CORO7: variants seen among roughly 807,000 people sequenced by gnomAD.
The protein encoded by CORO7 is coronin-7.
Under a neutral mutation model 126.6 loss-of-function variants are expected in CORO7, and 107 were observed. The ratio of observed to expected loss-of-function variants is 0.85; its 90% confidence interval spans 0.72 to 0.99. The LOEUF is 0.99. Among genes scored for constraint, CORO7 ranks in the 50% least tolerant of loss-of-function variants. The pLI is 0.00. For missense variants in CORO7, 1,314 were observed against 1,255.8 expected, an observed-to-expected ratio of 1.05 and a Z score of -0.70; for synonymous variants, 603 against 536.8, an observed-to-expected ratio of 1.12 and a Z score of -1.70.
At chr16:4,381,024 C>T (rs1436122254) in intron 9 of CORO7, 10 of 1,609,944 alleles carry the variant, frequency 6.2e-6, no homozygotes, top group South Asian at 1.1e-5. Context: ...TGCCCCGAGA[C>T]GTGCCACCCG....
chr16:4,397,886 A>G (rs989260218), intron 6 of CORO7, among the ~76,000 whole-genome samples: 1 of 152,134 alleles, frequency 6.6e-6, no homozygotes, highest in Non-Finnish European at 1.5e-5. Flanking sequence ...AAGTGCTGGG[A>G]TTACAGGTGT....
intron 9 of CORO7, among the ~76,000 whole-genome samples, chr16:4,375,170 C>T (rs2054675405): frequency 3.3e-5 from 5 of 152,214 alleles, no homozygotes; most frequent in Admixed American, 3.3e-4. Context: ...GCCTTAGTCA[C>T]TGGTCTCCCT....
At chr16:4,381,720 CGACCTCTCGGG>C in intron 9 of CORO7, 1 of 1,606,474 alleles carries the variant, frequency 6.2e-7, no homozygotes. Context: ...CCCTGCCTGG[CGACCTCTCGGG>C]CCTCTTCCCC....
intron 9 of CORO7, among the ~76,000 whole-genome samples, chr16:4,376,048 C>G (rs941404408): frequency 1.3e-5 from 2 of 152,200 alleles, no homozygotes; most frequent in Non-Finnish European, 2.9e-5. Flanking sequence ...GAGGCTGACA[C>G]CCATGGGGAC....
intron 9 of CORO7, among the ~76,000 whole-genome samples, chr16:4,367,782 G>A (rs1190768392): frequency 6.6e-6 from 1 of 152,172 alleles, no homozygotes; most frequent in Non-Finnish European, 1.5e-5. Flanking sequence ...CAGTGTGGGT[G>A]AGGGCTGAGG....
At chr16:4,416,206 C>T (rs553464157) in intron 1 of CORO7, among the ~76,000 whole-genome samples, 9 of 152,236 alleles carry the variant, frequency 5.9e-5, no homozygotes, top group African/African-American at 2.2e-4. Flanking sequence ...GGTCCCGGGG[C>T]GAGGTGGGCG....
chr16:4,397,024 AAAAAAAG>A (rs1304400889), intron 6 of CORO7, among the ~76,000 whole-genome samples: 4 of 151,096 alleles, frequency 2.6e-5, no homozygotes, highest in East Asian at 1.9e-4. Flanking sequence ...TCAAAAAAAA[AAAAAAAG>A]AAAGAAAGAA....
chr16:4,406,465 A>G (rs1205718891), intron 5 of CORO7, among the ~76,000 whole-genome samples: 4 of 151,794 alleles, frequency 2.6e-5, no homozygotes, highest in African/African-American at 9.7e-5. Flanking sequence ...CGCCTGGCTG[A>G]TTTTTTAATT....
chr16:4,395,573 T>A (rs1441931252), intron 6 of CORO7, among the ~76,000 whole-genome samples: 2 of 152,186 alleles, frequency 1.3e-5, no homozygotes, highest in African/African-American at 4.8e-5. Context: ...GCCTGAGACC[T>A]ACTCAGTGAG....
intron 7 of CORO7, among the ~76,000 whole-genome samples, chr16:4,391,159 C>T (rs2055374150): frequency 6.6e-6 from 1 of 152,180 alleles, no homozygotes; most frequent in African/African-American, 2.4e-5. Flanking sequence ...CGCAATGGTA[C>T]CTGCCGTAAT....
rs763567755 is a variant in CORO7 at position 4,405,491 on chromosome 16, C to T, written c.564G>A (p.Lys188=). 3 of 1,612,008 alleles carry T rather than the reference C, an allele frequency of 1.9e-6. No individual in the cohort carries two copies. Among genetic ancestry groups the T allele is most frequent in the African/African-American group, 2.7e-5 (2 of 75,060 alleles). The change falls in exon 6 of 28, where the codon AAG becomes AAA. Residue 188 remains lysine, a splice_region_variant and synonymous_variant. Transcript: ENST00000251166. ...AGGGCATCCCCACCTGCCTGCTCACCTTGCACGCCGTGCCCACCAGGGCTC... is the reference window on the plus strand; with the variant it reads ...AGGGCATCCCCACCTGCCTGCTCACTTTGCACGCCGTGCCCACCAGGGCTC... ...RDGALVGTAC[K]DKQLRIFDPR...
At chr16:4,367,532 C>T (rs2054385129) in intron 9 of CORO7, among the ~76,000 whole-genome samples, 1 of 152,184 alleles carries the variant, frequency 6.6e-6, no homozygotes, top group Admixed American at 6.5e-5. Context: ...CAGACAGACA[C>T]AATCCCATAG....
intron 7 of CORO7, 39 bp downstream of exon 7, chr16:4,395,250 G>C: frequency 6.2e-7 from 1 of 1,613,652 alleles, no homozygotes; most frequent in East Asian, 2.2e-5. Flanking sequence ...CAGCCTCAGT[G>C]GAGGCTTCAA....
At position 4,416,311 on chromosome 16, in the gene CORO7, G is replaced by C. The variant is rs747786527; in HGVS notation, c.60+148C>G. ...CGGCGACGAAACGGCCCGGACGCCG[G>C]GGCCCTGGCCTGAAGGGGGGTTCCC... On this transcript the variant is annotated intron_variant, in intron 1 of 27. Coordinates refer to ENST00000251166, the MANE Select transcript of CORO7 (RefSeq NM_024535.5). 3 of 1,182,952 alleles carry C rather than the reference G, an allele frequency of 2.5e-6. No individual in the cohort carries two copies. The African/African-American group carries it at 4.9e-5, about 19-fold the overall frequency. 73.3% of individuals were successfully genotyped at this position (1,182,952 alleles called of 1,614,324 possible). A position where few individuals can be genotyped will look rare whatever the true frequency, so the allele number is the denominator to read the frequency against.
At chr16:4,391,611 G>C (rs2055392910) in intron 7 of CORO7, among the ~76,000 whole-genome samples, 1 of 151,946 alleles carries the variant, frequency 6.6e-6, no homozygotes, top group South Asian at 2.1e-4. Context: ...CGTGCCTGTA[G>C]TCCCAGCTAC....
At chr16:4,382,846 G>C in intron 9 of CORO7, 6 of 1,589,002 alleles carry the variant, frequency 3.8e-6, no homozygotes, top group Non-Finnish European at 5.1e-6. Flanking sequence ...GCCACTCATG[G>C]GCTTCCCAGG....
chr16:4,387,934 C>A (rs566575904), intron 9 of CORO7, 52 bp downstream of exon 9: 5 of 1,601,904 alleles, frequency 3.1e-6, no homozygotes, highest in South Asian at 1.1e-5. Context: ...CCCTCACCTG[C>A]GGCGCCTTGG....
At chr16:4,396,183 G>A (rs368002699) in intron 6 of CORO7, among the ~76,000 whole-genome samples, 1 of 152,048 alleles carries the variant, frequency 6.6e-6, no homozygotes, top group East Asian at 1.9e-4. Flanking sequence ...TGGTTCAAGC[G>A]ATTCTCCTGC....
At chr16:4,387,257 C>G (rs184068695) in intron 9 of CORO7, among the ~76,000 whole-genome samples, 7 of 152,176 alleles carry the variant, frequency 4.6e-5, no homozygotes, top group Admixed American at 4.6e-4. Flanking sequence ...TGCCCTGGGC[C>G]TCCTGGTGTC....
Sources: allele counts gnomAD v4.1 joint callset (sites outside exome capture counted in the v4.1 genomes callset), GRCh38; gene constraint gnomAD v4.1.1; transcripts MANE v1.5; gene names NCBI Gene and HGNC (gene_info 2026-07-23, HGNC 2026-07-21).